The following CRB1 variants were observed in gnomAD, a reference collection of about 807,000 sequenced individuals.
CRB1 encodes crumbs cell polarity complex component 1, also known as protein crumbs homolog 1.
Under a neutral mutation model 120.0 loss-of-function variants are expected in CRB1, and 83 were observed. That is an observed-to-expected ratio of 0.69 (90% CI 0.58 to 0.83). The LOEUF (loss-of-function observed/expected upper bound fraction) is 0.83. Ranked by LOEUF, CRB1 falls within the 40% of genes least tolerant of loss-of-function variation. The probability of loss-of-function intolerance (pLI) is 0.00; values close to 1 mark genes in which losing one functional copy is unlikely to be tolerated. For synonymous variants in CRB1, 625 were observed against 612.5 expected, an observed-to-expected ratio of 1.02 and a Z score of -0.30; for missense variants, 1,699 against 1,687.6, an observed-to-expected ratio of 1.01 and a Z score of -0.12.
chr1:197,246,443 C>T, the CRB1 span, among the ~76,000 whole-genome samples: 1 of 151,830 alleles, frequency 6.6e-6, no homozygotes, highest in Non-Finnish European at 1.5e-5. Context: ...TATATGAATC[C>T]AAAAGAAAAC....
At chr1:197,333,494 T>A (rs1386583221) in intron 2 of CRB1, among the ~76,000 whole-genome samples, 3 of 152,232 alleles carry the variant, frequency 2.0e-5, no homozygotes, top group Admixed American at 2.0e-4. Flanking sequence ...CTCATTCAGA[T>A]GCCTGCAGTA....
intron 5 of CRB1, among the ~76,000 whole-genome samples, chr1:197,377,329 C>G (rs138975140): frequency 6.6e-6 from 1 of 152,116 alleles, no homozygotes; most frequent in African/African-American, 2.4e-5. Flanking sequence ...CAGTGCCTAG[C>G]CCATAACAGG....
At chr1:197,289,798 G>A (rs1000396858) in intron 1 of CRB1, among the ~76,000 whole-genome samples, 1 of 151,148 alleles carries the variant, frequency 6.6e-6, no homozygotes, top group Non-Finnish European at 1.5e-5. Flanking sequence ...AGATCTGTTT[G>A]CCTTTTAAAA....
At chr1:197,285,322 G>C (rs938568075) in intron 1 of CRB1, among the ~76,000 whole-genome samples, 1 of 151,464 alleles carries the variant, frequency 6.6e-6, no homozygotes, top group South Asian at 2.1e-4. Context: ...GAGATGATGG[G>C]GACAGAAATA....
intron 5 of CRB1, among the ~76,000 whole-genome samples, chr1:197,411,925 G>C (rs150880414): frequency 0.014 from 2,158 of 152,094 alleles, 25 homozygotes; most frequent in Middle Eastern, 0.024. Context: ...CCTCCTCCAA[G>C]CCCTCTAAAG....
intron 4 of CRB1, among the ~76,000 whole-genome samples, chr1:197,356,392 T>A (rs1052529640): frequency 3.3e-5 from 5 of 152,248 alleles, no homozygotes; most frequent in African/African-American, 1.2e-4. Context: ...TTCTGTTTCA[T>A]TGAATGCTAT....
rs1654725366 is a variant in CRB1, at chr1:197,268,502, G to A, written c.70+20G>A. The A allele has an allele frequency of 2.5e-6, 4 of 1,569,556 alleles. No individual in the cohort carries two copies. Among genetic ancestry groups the A allele is most frequent in the African/African-American group, 2.7e-5 (2 of 73,810 alleles). ...TAAAAAGTAAGCCTTTCCCACTTTG[G>A]GCATTTTTCCTGGTTTATTTCTGGC... is the stretch of plus-strand genomic sequence containing the variant. On this transcript the variant is annotated intron_variant, in intron 1 of 11. Transcript: ENST00000367400.
the CRB1 span, among the ~76,000 whole-genome samples, chr1:197,244,164 G>A: frequency 6.1e-3 from 923 of 152,130 alleles, 10 homozygotes; most frequent in African/African-American, 0.02. Context: ...GGGACATTTA[G>A]CCCATTTACA....
the CRB1 span, among the ~76,000 whole-genome samples, chr1:197,252,255 A>G: frequency 6.6e-6 from 1 of 151,696 alleles, no homozygotes; most frequent in African/African-American, 2.4e-5. Context: ...TTTGCATGTC[A>G]TAGAATATTA....
the CRB1 span, among the ~76,000 whole-genome samples, chr1:197,250,275 G>T: frequency 6.6e-6 from 1 of 151,866 alleles, no homozygotes; most frequent in East Asian, 1.9e-4. Context: ...CTATTATCCT[G>T]TGGCATTATT....
chr1:197,404,441 C>CAAAAAAAAAAAAAAAAAAAAAAAA (rs558125777), intron 5 of CRB1, among the ~76,000 whole-genome samples: 2 of 58,718 alleles, frequency 3.4e-5, no homozygotes, highest in African/African-American at 1.2e-4. Context: ...GACTCCGTCT[C>CAAAAAAAAAAAAAAAAAAAAAAAA]AAAAAAAAAA....
chr1:197,212,364 A>G, the CRB1 span, among the ~76,000 whole-genome samples: 1 of 152,142 alleles, frequency 6.6e-6, no homozygotes, highest in Admixed American at 6.6e-5. Flanking sequence ...ACTGGAAACA[A>G]CCCAAACCTC....
upstream of CRB1, among the ~76,000 whole-genome samples, chr1:197,265,453 T>C (rs1654611681): frequency 6.6e-6 from 1 of 151,930 alleles, no homozygotes; most frequent in African/African-American, 2.4e-5. Flanking sequence ...TCTTTCTCTC[T>C]CTGTCTTTCC....
chr1:197,323,827 GT>G (rs550405400), intron 1 of CRB1, among the ~76,000 whole-genome samples: 217 of 152,238 alleles, frequency 1.4e-3, no homozygotes, highest in Non-Finnish European at 2.3e-3. Flanking sequence ...CTGTGCTTAG[GT>G]GTGTAGGCTG....
the CRB1 span, among the ~76,000 whole-genome samples, chr1:197,233,449 A>G: frequency 4.1e-4 from 63 of 152,330 alleles, no homozygotes; most frequent in African/African-American, 1.4e-3. Context: ...ACCTGATCTC[A>G]AGGATGTAAA....
At chr1:197,473,817 GC>G (rs1374443341) in intron 11 of CRB1, among the ~76,000 whole-genome samples, 1 of 150,922 alleles carries the variant, frequency 6.6e-6, no homozygotes, top group African/African-American at 2.4e-5. Context: ...CCATCCTAGT[GC>G]CGTATATTTT....
intron 5 of CRB1, among the ~76,000 whole-genome samples, chr1:197,411,249 C>T (rs184629440): frequency 1.3e-5 from 2 of 152,110 alleles, no homozygotes; most frequent in Non-Finnish European, 2.9e-5. Flanking sequence ...ATTTTCATTT[C>T]CTTTGCCCCA....
At chr1:197,428,595 G>GTGTTGAGCGTT (rs1474351701) in intron 7 of CRB1, among the ~76,000 whole-genome samples, 1 of 152,138 alleles carries the variant, frequency 6.6e-6, no homozygotes, top group Admixed American at 6.5e-5. Context: ...GCATTTCTGT[G>GTGTTGAGCGTT]TGTTGAGCGT....
chr1:197,402,770 C>T (rs1663132811), intron 5 of CRB1, among the ~76,000 whole-genome samples: 1 of 152,130 alleles, frequency 6.6e-6, no homozygotes, highest in Admixed American at 6.5e-5. Flanking sequence ...AAGTATTTAG[C>T]TTAATGAGTT....
Sources: gnomAD v4.1 joint callset for allele counts (sites outside exome capture counted in the v4.1 genomes callset) on GRCh38, gnomAD v4.1.1 for gene constraint, MANE v1.5 for transcripts, NCBI Gene and HGNC (gene_info 2026-07-23, HGNC 2026-07-21) for gene names.